PLEKHG1: variants seen among roughly 807,000 people sequenced by gnomAD.
PLEKHG1 encodes the protein pleckstrin homology domain-containing family G member 1.
PLEKHG1 carries 44 observed loss-of-function variants against 100.8 expected under a neutral mutation model. The ratio of observed to expected loss-of-function variants is 0.44; its 90% confidence interval spans 0.34 to 0.56. The LOEUF (loss-of-function observed/expected upper bound fraction) is 0.56, where lower values mean the gene tolerates loss of function less well. Ranked by LOEUF, PLEKHG1 falls within the 20% of genes least tolerant of loss-of-function variation. PLEKHG1 has a pLI of 0.01. For synonymous variants in PLEKHG1, 640 were observed against 662.5 expected, an observed-to-expected ratio of 0.97 and a Z score of 0.52; for missense variants, 1,545 against 1,720.9, an observed-to-expected ratio of 0.90 and a Z score of 1.81.
intron 3 of PLEKHG1, among the ~76,000 whole-genome samples, chr6:150,701,457 A>ATATATATG (rs1562446537): frequency 2.5e-5 from 2 of 80,292 alleles, no homozygotes; most frequent in African/African-American, 2.5e-4. Flanking sequence ...ATATATATAT[A>ATATATATG]TATATATATA....
chr6:150,759,875 A>G (rs1784061774), intron 2 of PLEKHG1, among the ~76,000 whole-genome samples: 2 of 152,100 alleles, frequency 1.3e-5, no homozygotes, highest in South Asian at 4.1e-4. Flanking sequence ...GTGTGAGCCT[A>G]TAACCCCAGC....
chr6:150,693,966 A>G (rs1562441294), intron 3 of PLEKHG1, among the ~76,000 whole-genome samples: 1 of 152,340 alleles, frequency 6.6e-6, no homozygotes, highest in East Asian at 1.9e-4. Context: ...CCAAGTCGGT[A>G]CAGGCTTTGT....
chr6:150,723,990 C>A (rs1233416383), intron 1 of PLEKHG1, among the ~76,000 whole-genome samples: 1 of 152,234 alleles, frequency 6.6e-6, no homozygotes, highest in African/African-American at 2.4e-5. Flanking sequence ...CTTGGGCATC[C>A]CTCTGTGTAT....
At chr6:150,771,320 G>A (rs973931594) in intron 3 of PLEKHG1, among the ~76,000 whole-genome samples, 1 of 151,902 alleles carries the variant, frequency 6.6e-6, no homozygotes, top group East Asian at 2.0e-4. Flanking sequence ...GGGAGGCTGA[G>A]GCAGGAGAAT....
At chr6:150,725,749 C>A (rs72570331) in intron 1 of PLEKHG1, among the ~76,000 whole-genome samples, 12,965 of 148,536 alleles carry the variant, frequency 0.087, 634 homozygotes, top group Admixed American at 0.14. Context: ...AAGCTTTTCT[C>A]CCCTATGTTT....
intron 3 of PLEKHG1, among the ~76,000 whole-genome samples, chr6:150,773,534 AAAAAAT>A (rs539660999): frequency 7.1e-4 from 108 of 152,354 alleles, no homozygotes; most frequent in Middle Eastern, 3.4e-3. Context: ...ACTCCGTCTC[AAAAAAT>A]AAAAATAAAA....
intron 4 of PLEKHG1, among the ~76,000 whole-genome samples, chr6:150,793,965 C>T (rs906306223): frequency 6.6e-6 from 1 of 152,120 alleles, no homozygotes; most frequent in South Asian, 2.1e-4. Flanking sequence ...GCCTGTAATC[C>T]CTGCTACTTG....
chr6:150,778,281 T>A (rs1785105643), intron 3 of PLEKHG1, among the ~76,000 whole-genome samples: 1 of 152,128 alleles, frequency 6.6e-6, no homozygotes, highest in Non-Finnish European at 1.5e-5. Flanking sequence ...GCGCTCACCA[T>A]CACGCCTGGC....
chr6:150,758,336 C>CTT (rs58766862), intron 2 of PLEKHG1, among the ~76,000 whole-genome samples: 6 of 142,036 alleles, frequency 4.2e-5, no homozygotes, highest in African/African-American at 7.6e-5. Flanking sequence ...TGTTTCTTGA[C>CTT]TTTTTTTTTT....
At chr6:150,619,995 T>C (rs1027121653) in intron 1 of PLEKHG1, among the ~76,000 whole-genome samples, 8 of 152,248 alleles carry the variant, frequency 5.3e-5, no homozygotes, top group African/African-American at 1.9e-4. Context: ...CACACGTTTT[T>C]GTTATCTCAT....
At chr6:150,723,226 A>G (rs978245241) in intron 1 of PLEKHG1, among the ~76,000 whole-genome samples, 3 of 64,390 alleles carry the variant, frequency 4.7e-5, no homozygotes, top group African/African-American at 1.6e-4. Flanking sequence ...AGAGATGCAA[A>G]GATCAGTACA....
chr6:150,736,143 T>G (rs1019843182), intron 2 of PLEKHG1, among the ~76,000 whole-genome samples: 1 of 152,178 alleles, frequency 6.6e-6, no homozygotes, highest in Non-Finnish European at 1.5e-5. Context: ...AAAGCAGCCA[T>G]GTACACTGTG....
At chr6:150,666,750 G>C (rs914928615) in intron 3 of PLEKHG1, among the ~76,000 whole-genome samples, 4 of 151,736 alleles carry the variant, frequency 2.6e-5, no homozygotes, top group African/African-American at 9.7e-5. Context: ...CATCATACCA[G>C]CTGCATTGAT....
At chr6:150,651,559 A>G (rs906087799) in intron 3 of PLEKHG1, among the ~76,000 whole-genome samples, 6 of 152,234 alleles carry the variant, frequency 3.9e-5, no homozygotes, top group Admixed American at 3.9e-4. Context: ...AAACAGAAAA[A>G]ACTATTCTCA....
rs1044900013 is a variant in PLEKHG1, at chr6:150,649,857, A to G, written c.-157-871A>G. Among the ~76,000 whole-genome samples, 6 of 149,946 alleles carry G rather than the reference A, an allele frequency of 4.0e-5. No homozygotes were observed. In the South Asian group the frequency reaches 1.3e-3, roughly 32 times the overall value. ...AAACCCTGTCTCTACTAAAAATACA[A>G]AAAAATTAGCCGGGCGTGGCGGCGT... On this transcript the variant is annotated intron_variant, in intron 2 of 3. Transcript: ENST00000367326.
intron 1 of PLEKHG1, among the ~76,000 whole-genome samples, chr6:150,634,250 CA>C (rs139347441): frequency 8.2e-4 from 98 of 120,218 alleles, no homozygotes; most frequent in Admixed American, 8.7e-4. Context: ...ATCTCCCCCC[CA>C]AAAAAAAAAA....
chr6:150,768,705 T>C (rs1490570900), exon 3 of PLEKHG1: 2 of 1,609,554 alleles, frequency 1.2e-6, no homozygotes, highest in Admixed American at 3.3e-5. Flanking sequence ...TCAGCCCTTT[T>C]TGGAAACATA....
rs570159966 is a variant in PLEKHG1 at position 150,603,164 on chromosome 6, C to A, written c.-204+3147C>A. Among the ~76,000 whole-genome samples the A allele has an allele frequency of 2.7e-4, 40 of 150,620 alleles. 1 individual carries two copies. In the South Asian group the frequency reaches 6.5e-3, roughly 25 times the overall value. On this transcript the variant is annotated intron_variant, in intron 1 of 3. Coordinates refer to the PLEKHG1 transcript ENST00000367326. ...CTTAGGAAAAATATGGTTTCTAATG[C>A]GAAATGTTGGTGTATTCAGGCAGGG...
At chr6:150,790,743 C>T (rs549569792) in intron 4 of PLEKHG1, among the ~76,000 whole-genome samples, 10 of 152,078 alleles carry the variant, frequency 6.6e-5, no homozygotes, top group Non-Finnish European at 1.2e-4. Context: ...ATATCTCGGC[C>T]GGGCATGGTG....
Sources: allele counts gnomAD v4.1 joint callset (sites outside exome capture counted in the v4.1 genomes callset), GRCh38; gene constraint gnomAD v4.1.1; transcripts MANE v1.5; gene names NCBI Gene and HGNC (gene_info 2026-07-23, HGNC 2026-07-21).